ZBTB46: variants seen among roughly 807,000 people sequenced by gnomAD.
ZBTB46 encodes zinc finger and BTB domain-containing protein 46.
Under a neutral mutation model 44.1 loss-of-function variants are expected in ZBTB46, and 8 were observed. That is an observed-to-expected ratio of 0.18 (90% CI 0.11 to 0.33). The LOEUF (loss-of-function observed/expected upper bound fraction) is 0.33, where lower values mean the gene tolerates loss of function less well. Among genes scored for constraint, ZBTB46 ranks in the 10% least tolerant of loss-of-function variants. The pLI is 1.00. For synonymous variants in ZBTB46, 409 were observed against 382.3 expected (o/e 1.07, Z -0.81); for missense variants, 651 against 847.7 (o/e 0.77, Z 2.88).
chr20:63,766,458 C>T (rs6011095), intron 3 of ZBTB46, among the ~76,000 whole-genome samples: 76,443 of 150,424 alleles, frequency 0.51, 20,306 homozygotes, highest in African/African-American at 0.64. Flanking sequence ...TCAGGTGATC[C>T]GCCCACCTTG....
chr20:63,827,263 G>C (rs1038958142), intron 1 of ZBTB46, among the ~76,000 whole-genome samples: 2 of 152,222 alleles, frequency 1.3e-5, no homozygotes, highest in Non-Finnish European at 1.5e-5. Flanking sequence ...GAGCTGTCAT[G>C]AATAGGAAAC....
chr20:63,818,060 G>A (rs931029047), intron 1 of ZBTB46, among the ~76,000 whole-genome samples: 8 of 152,224 alleles, frequency 5.3e-5, no homozygotes, highest in South Asian at 2.1e-4. Flanking sequence ...ACGGCACCAC[G>A]CTCTGAGTGG....
At chr20:63,769,894 C>T (rs957780520) in intron 3 of ZBTB46, among the ~76,000 whole-genome samples, 7 of 152,218 alleles carry the variant, frequency 4.6e-5, no homozygotes, top group Admixed American at 2.0e-4. Flanking sequence ...CTCTGCAAAA[C>T]GCCTCCTGAC....
rs188041600 is a variant in ZBTB46 at position 63,786,811 on chromosome 20, C to T, written c.937+3010G>A. Among the ~76,000 whole-genome samples, 197 of 152,222 alleles carry T rather than the reference C, an allele frequency of 1.3e-3. 1 individual carries two copies. The highest frequency in any genetic ancestry group is 4.5e-3 in the African/African-American group (189 of 41,548). On this transcript the variant is annotated intron_variant, in intron 2 of 4. Transcript: ENST00000245663. Reference sequence around the variant, plus strand: ...AGGCGTGAGCCACCCCGCCCGGCCTCGGATAACTTTTGTATTAGAAATGGG... The same window carrying T: ...AGGCGTGAGCCACCCCGCCCGGCCTTGGATAACTTTTGTATTAGAAATGGG...
rs58932391 is a variant in ZBTB46, at chr20:63,822,062, C to T, written c.-34+9035G>A. On this transcript the variant is annotated intron_variant, in intron 1 of 4. Coordinates refer to ENST00000245663, the MANE Select transcript of ZBTB46 (RefSeq NM_001369741.1). ...CTTCCCCTATCTAAGAAGCTTTTTGCGGGAAAAATTACCATCTGTGCTTTT... is the reference window on the plus strand; with the variant it reads ...CTTCCCCTATCTAAGAAGCTTTTTGTGGGAAAAATTACCATCTGTGCTTTT... Among the ~76,000 whole-genome samples, 364 of 152,210 alleles carry T rather than the reference C, an allele frequency of 2.4e-3. 2 individuals carry two copies. Among genetic ancestry groups the T allele is most frequent in the African/African-American group, 8.5e-3 (355 of 41,548 alleles).
Position 63,830,690 on chromosome 20 carries a change from G to C in ZBTB46, c.-34+407C>G, listed in dbSNP as rs1269892497. 3.3e-5 allele frequency among the ~76,000 whole-genome samples: 5 copies of C among 149,436 alleles called. No individual in the cohort carries two copies. In the East Asian group the frequency reaches 9.9e-4, roughly 30 times the overall value. ...CTCGGGGCCAGGCGTTGACGCAGCAGAAATTACCAGCTGGAAAATTCCCCT... is the reference window on the plus strand; with the variant it reads ...CTCGGGGCCAGGCGTTGACGCAGCACAAATTACCAGCTGGAAAATTCCCCT... On this transcript the variant is annotated intron_variant, in intron 1 of 4. Coordinates refer to ENST00000245663, the MANE Select transcript of ZBTB46 (RefSeq NM_001369741.1).
intron 1 of ZBTB46, among the ~76,000 whole-genome samples, chr20:63,796,259 C>CA (rs1275486078): frequency 1.3e-5 from 2 of 152,256 alleles, no homozygotes; most frequent in Non-Finnish European, 2.9e-5. Context: ...CTGCCGCATC[C>CA]ACCGGACGCC....
At chr20:63,770,580 G>A (rs551811103) in intron 3 of ZBTB46, among the ~76,000 whole-genome samples, 1 of 152,296 alleles carries the variant, frequency 6.6e-6, no homozygotes, top group East Asian at 1.9e-4. Context: ...ATCCCCAAAG[G>A]CCCTCTGAGT....
chr20:63,782,681 C>T (rs1412080173), intron 2 of ZBTB46, among the ~76,000 whole-genome samples: 2 of 152,186 alleles, frequency 1.3e-5, no homozygotes, highest in Admixed American at 6.5e-5. Flanking sequence ...ACGCCCCATG[C>T]CCCACGACCC....
chr20:63,756,526 T>G (rs1330591671), intron 3 of ZBTB46, among the ~76,000 whole-genome samples: 1 of 152,100 alleles, frequency 6.6e-6, no homozygotes, highest in Non-Finnish European at 1.5e-5. Flanking sequence ...TAACTCTGTG[T>G]TAGAATGTGA....
chr20:63,748,884 GGAA>G (rs2092131276), intron 4 of ZBTB46, among the ~76,000 whole-genome samples: 1 of 152,220 alleles, frequency 6.6e-6, no homozygotes, highest in African/African-American at 2.4e-5. Context: ...GTGTCATGGC[GGAA>G]GACGGTCCTG....
rs1399923417 is a variant in ZBTB46 at position 63,746,017 on chromosome 20, A to G, written c.*913T>C. On this transcript the variant is annotated 3_prime_UTR_variant, in exon 5 of 5. Coordinates refer to ENST00000245663, the MANE Select transcript of ZBTB46 (RefSeq NM_001369741.1). ...CCACGCGGGGAGGTGTAAGCAGCAC[A>G]CTGCAGTTAGGAACACCGCCTCCAG... 3.3e-5 allele frequency: 5 copies of G among 152,718 alleles called. No homozygotes were observed. The highest frequency in any genetic ancestry group is 2.0e-4 in the Admixed American group (3 of 15,274). 9.5% of individuals were successfully genotyped at this position (152,718 alleles called of 1,614,324 possible).
chr20:63,819,934 A>G (rs528876714), intron 1 of ZBTB46, among the ~76,000 whole-genome samples: 1 of 152,324 alleles, frequency 6.6e-6, no homozygotes, highest in African/African-American at 2.4e-5. Flanking sequence ...TACAAACTAA[A>G]ATAAAAGCAA....
At chr20:63,785,787 C>A (rs1380606366) in intron 2 of ZBTB46, among the ~76,000 whole-genome samples, 4 of 152,194 alleles carry the variant, frequency 2.6e-5, no homozygotes, top group Admixed American at 6.6e-5. Flanking sequence ...ATCCTCCATC[C>A]TCACACAGCT....
At chr20:63,831,961 C>G (rs1286679757), upstream of ZBTB46, among the ~76,000 whole-genome samples, 1 of 152,008 alleles carries the variant, frequency 6.6e-6, no homozygotes. Context: ...TCGGGGGCCT[C>G]GGCGCACCCG....
intron 3 of ZBTB46, among the ~76,000 whole-genome samples, chr20:63,765,120 C>CGT (rs780310039): frequency 1.1e-3 from 162 of 149,084 alleles, no homozygotes; most frequent in African/African-American, 2.6e-3. Flanking sequence ...TGTGTGTGTG[C>CGT]GTGTGTGTGT....
At chr20:63,817,498 T>C (rs1601535711) in intron 1 of ZBTB46, among the ~76,000 whole-genome samples, 2 of 151,788 alleles carry the variant, frequency 1.3e-5, no homozygotes, top group East Asian at 3.9e-4. Flanking sequence ...GCGGATCACC[T>C]GAGGTCAGGA....
intron 1 of ZBTB46, among the ~76,000 whole-genome samples, chr20:63,801,603 GTCTT>G (rs1460993954): frequency 3.3e-5 from 5 of 152,142 alleles, no homozygotes; most frequent in African/African-American, 4.8e-5. Context: ...GGTCCACACT[GTCTT>G]TATGAGCTGT....
At position 63,803,917 on chromosome 20, in the gene ZBTB46, T is replaced by C. The variant is rs975664756; in HGVS notation, c.-33-13127A>G. ...ACGGGGTTCTGTCGTGTTGCCCAGG[T>C]TGGTCTTGAATTCCTAAACGAACCT... On this transcript the variant is annotated intron_variant, in intron 1 of 4. Transcript: ENST00000245663. The surrounding 1 kb of genome is among the most constrained non-coding windows in gnomAD (Gnocchi z 4.0). 6.6e-6 allele frequency among the ~76,000 whole-genome samples: 1 copy of C among 152,152 alleles called. No individual in the cohort carries two copies. The highest frequency in any genetic ancestry group is 1.5e-5 in the Non-Finnish European group (1 of 68,024).
Sources: gnomAD v4.1 joint callset for allele counts (sites outside exome capture counted in the v4.1 genomes callset) on GRCh38, gnomAD v4.1.1 for gene constraint, Gnocchi (gnomAD v3.1) non-coding constraint, MANE v1.5 for transcripts, NCBI Gene and HGNC (gene_info 2026-07-23, HGNC 2026-07-21) for gene names.